MYBL2: variants seen among roughly 807,000 people sequenced by gnomAD.
MYBL2 encodes myb-related protein B.
A neutral mutation model predicts 79.9 loss-of-function variants in MYBL2; 28 were observed. The observed-to-expected ratio is 0.35, with a 90% confidence interval of 0.26 to 0.48. The LOEUF is 0.48. Among genes scored for constraint, MYBL2 ranks in the 20% least tolerant of loss-of-function variants. The pLI, the probability that MYBL2 is intolerant of heterozygous loss-of-function variation, is 0.99. For synonymous variants in MYBL2, 378 were observed against 361.2 expected (o/e 1.05, Z -0.53); for missense variants, 735 against 893.9 (o/e 0.82, Z 2.27).
rs1191252842 is a variant in MYBL2, at chr20:43,715,984, C to T, written c.2000C>T (p.Ala667Val). ...ATGTCCAGTGCCTGGAAGACGGTGG[C>T]CTGCGGGGGGACCAGGGACCAGCTT... ...APMSSAWKTV[A>V]CGGTRDQLFM... is the part of the protein sequence containing the mutation. Residue 667 changes from alanine to valine, a missense_variant, in exon 14 of 14, where the codon GCC (alanine) becomes GTC (valine). Ala to Val is a moderately conservative substitution (Grantham distance 64, BLOSUM62 0). This residue lies in a region of MYBL2 where 204 missense variants were observed against 202.9 expected (regional missense o/e 1.01). Coordinates refer to ENST00000217026, the MANE Select transcript of MYBL2 (RefSeq NM_002466.4). 1.4e-5 allele frequency: 22 copies of T among 1,612,170 alleles called. No homozygotes were observed. Among genetic ancestry groups the T allele is most frequent in the African/African-American group, 2.7e-5 (2 of 75,004 alleles).
chr20:43,683,551 A>C (rs442615), intron 4 of MYBL2, among the ~76,000 whole-genome samples: 109,892 of 139,130 alleles, frequency 0.79, 44,673 homozygotes, highest in Non-Finnish European at 0.85. Context: ...GGAACTAGGC[A>C]TTTTTTTTTT....
chr20:43,715,843 C>T (rs1405994632), intron 13 of MYBL2, 116 bp from the exon 14 acceptor site: 2 of 1,362,596 alleles, frequency 1.5e-6, no homozygotes, highest in South Asian at 1.4e-5. Flanking sequence ...AATAAGAAGG[C>T]TCTGGCTTCT....
intron 5 of MYBL2, among the ~76,000 whole-genome samples, chr20:43,687,821 G>A (rs746597710): frequency 1.4e-4 from 21 of 152,026 alleles, no homozygotes; most frequent in Admixed American, 2.6e-4. Context: ...TTCGAGACCA[G>A]CCTGGCCAAC....
chr20:43,667,445 G>A, intron 1 of MYBL2, 142 bp downstream of exon 1: 2 of 557,054 alleles, frequency 3.6e-6, no homozygotes, highest in Non-Finnish European at 5.1e-6. Context: ...CCGCGGAAAT[G>A]CTGCGTCCTG....
chr20:43,678,952 G>A (rs1182026280), intron 2 of MYBL2, among the ~76,000 whole-genome samples: 2 of 151,642 alleles, frequency 1.3e-5, no homozygotes, highest in Non-Finnish European at 2.9e-5. Flanking sequence ...TGCCAGGCAA[G>A]CAAGAGGTGG....
chr20:43,682,573 C>T (rs1454820246), intron 3 of MYBL2, among the ~76,000 whole-genome samples: 1 of 152,188 alleles, frequency 6.6e-6, no homozygotes, highest in East Asian at 1.9e-4. Context: ...GAGCGGCTTC[C>T]CACAGGGGAC....
At position 43,670,023 on chromosome 20, in the gene MYBL2, T is replaced by G. The variant is rs145140068; in HGVS notation, c.20+2720T>G. On this transcript the variant is annotated intron_variant, in intron 1 of 13. Coordinates refer to ENST00000217026, the MANE Select transcript of MYBL2 (RefSeq NM_002466.4). The stretch of plus-strand genomic sequence containing the variant: ...GGAGGCTGAGGCAGGAGAATTCACT[T>G]GAACCCAGGAGGCAGAGGTTGCTGT... Among the ~76,000 whole-genome samples, 80 of 152,332 alleles carry G rather than the reference T, an allele frequency of 5.3e-4. No individual in the cohort carries two copies. The East Asian group carries it at 0.015, about 29-fold the overall frequency.
intron 4 of MYBL2, 74 bp downstream of exon 4, chr20:43,682,960 T>C (rs1398105738): frequency 2.1e-6 from 3 of 1,433,820 alleles, no homozygotes; most frequent in Admixed American, 3.4e-5. Flanking sequence ...TGAGATTGCC[T>C]TGTGTTGGGG....
chr20:43,673,013 G>A (rs965579659), intron 1 of MYBL2, among the ~76,000 whole-genome samples: 3 of 151,884 alleles, frequency 2.0e-5, no homozygotes, highest in African/African-American at 2.4e-5. Flanking sequence ...ACATGATCTC[G>A]GCTCATTGCA....
chr20:43,691,991 TAG>T (rs1987422711), intron 5 of MYBL2, among the ~76,000 whole-genome samples, 164 bp from the exon 6 acceptor site: 1 of 152,266 alleles, frequency 6.6e-6, no homozygotes, highest in East Asian at 1.9e-4. Context: ...TTATTAGGGC[TAG>T]AGACTTGTGA....
intron 9 of MYBL2, among the ~76,000 whole-genome samples, chr20:43,706,855 A>G (rs1987797934): frequency 6.6e-6 from 1 of 150,580 alleles, no homozygotes. Flanking sequence ...AGCTGGGATT[A>G]CAGGCACGCG....
At chr20:43,705,495 C>A in intron 9 of MYBL2, 137 bp downstream of exon 9, 1 of 1,036,330 alleles carries the variant, frequency 9.6e-7, no homozygotes, top group Non-Finnish European at 1.3e-6. Context: ...AGAAAGCCCT[C>A]TCCTTTCTGG....
At chr20:43,670,812 C>T (rs1986835895) in intron 1 of MYBL2, among the ~76,000 whole-genome samples, 1 of 152,178 alleles carries the variant, frequency 6.6e-6, no homozygotes, top group South Asian at 2.1e-4. Flanking sequence ...TGTTTGGAAA[C>T]CTGTAAGCTT....
At chr20:43,667,490 G>T (rs1018989754) in intron 1 of MYBL2, among the ~76,000 whole-genome samples, 187 bp downstream of exon 1, 1 of 152,174 alleles carries the variant, frequency 6.6e-6, no homozygotes, top group Non-Finnish European at 1.5e-5. Context: ...TAAAGCTGGG[G>T]GGCTCTTGGG....
chr20:43,714,908 C>T (rs1987992615), intron 12 of MYBL2, among the ~76,000 whole-genome samples: 1 of 152,192 alleles, frequency 6.6e-6, no homozygotes, highest in African/African-American at 2.4e-5. Flanking sequence ...GGATTACAGG[C>T]GTGAGCCACC....
intron 5 of MYBL2, among the ~76,000 whole-genome samples, chr20:43,691,261 T>A (rs372839682): frequency 1.4e-4 from 22 of 151,944 alleles, no homozygotes; most frequent in African/African-American, 5.3e-4. Context: ...GGGAAGGGGG[T>A]GAGAGTTCCA....
At chr20:43,714,073 A>C (rs539821633) in intron 12 of MYBL2, among the ~76,000 whole-genome samples, 2 of 152,310 alleles carry the variant, frequency 1.3e-5, no homozygotes, top group East Asian at 1.9e-4. Flanking sequence ...CAAAGAAAAA[A>C]ACATCACCGC....
chr20:43,684,913 G>A (rs1276425567), intron 4 of MYBL2, among the ~76,000 whole-genome samples: 2 of 151,246 alleles, frequency 1.3e-5, no homozygotes, highest in African/African-American at 4.8e-5. Context: ...TTGGGAGCCT[G>A]GGGTGGGTGG....
At chr20:43,672,073 C>T (rs867029690) in intron 1 of MYBL2, among the ~76,000 whole-genome samples, 5 of 151,768 alleles carry the variant, frequency 3.3e-5, no homozygotes, top group Middle Eastern at 3.2e-3. Flanking sequence ...TAGCCGGGCG[C>T]GGTGGCAGGC....
Sources: gnomAD v4.1 joint callset for allele counts (sites outside exome capture counted in the v4.1 genomes callset) on GRCh38, gnomAD v4.1.1 for gene constraint, gnomAD v4.1.1 regional missense constraint, MANE v1.5 for transcripts, NCBI Gene and HGNC (gene_info 2026-07-23, HGNC 2026-07-21) for gene names.